The following FGF17 variants were observed in gnomAD, a reference collection of about 807,000 sequenced individuals.
The protein encoded by FGF17 is fibroblast growth factor 17.
In FGF17, 5 loss-of-function variants were observed where a neutral mutation model predicts 23.5. The ratio of observed to expected loss-of-function variants is 0.21; its 90% confidence interval spans 0.11 to 0.45. FGF17 has a LOEUF of 0.45. Ranked by LOEUF, FGF17 falls within the 20% of genes least tolerant of loss-of-function variation. The pLI is 0.99. For missense variants in FGF17, 221 were observed against 306.9 expected (o/e 0.72, Z 2.09); for synonymous variants, 136 against 123.0 (o/e 1.11, Z -0.70).
At position 22,045,592 on chromosome 8, in the gene FGF17, C is replaced by T. The variant is rs1800847341; in HGVS notation, c.73-522C>T. 4.0e-6 allele frequency: 4 copies of T among 1,010,240 alleles called. No homozygotes were observed. The South Asian group carries it at 1.7e-4, about 43-fold the overall frequency. 62.6% of individuals were successfully genotyped at this position (1,010,240 alleles called of 1,614,324 possible). On this transcript the variant is annotated intron_variant, in intron 2 of 4. Coordinates refer to ENST00000359441, the MANE Select transcript of FGF17 (RefSeq NM_003867.4). ...AGTCCCCCACATGCTCTCTGGTGAC[C>T]CTAACTCGCAGCACCATCTGCTCTG... is the stretch of plus-strand genomic sequence containing the variant.
At position 22,048,674 on chromosome 8, in the gene FGF17, GT is replaced by G. The variant is rs1469021300; in HGVS notation, c.*428del. ...GGCTAGACTGTAGGAAGGGACTTTT[GT>G]TTGTTTGTTTGTTTCAGGAAAAAAG... On this transcript the variant is annotated 3_prime_UTR_variant, in exon 5 of 5. Coordinates refer to ENST00000359441, the MANE Select transcript of FGF17 (RefSeq NM_003867.4). The surrounding 1 kb of genome is among the most constrained non-coding windows in gnomAD (Gnocchi z 6.9). The G allele has an allele frequency of 5.3e-6, 1 of 187,860 alleles. No homozygotes were observed. Among genetic ancestry groups the G allele is most frequent in the Non-Finnish European group, 1.1e-5 (1 of 92,048 alleles). 11.6% of individuals were successfully genotyped at this position (187,860 alleles called of 1,614,324 possible).
At position 22,048,519 on chromosome 8, in the gene FGF17, A is replaced by G. The variant is rs1801018623; in HGVS notation, c.*270A>G. On this transcript the variant is annotated 3_prime_UTR_variant, in exon 5 of 5. Transcript: ENST00000359441. This position sits in a 1 kb window ranked among gnomAD's most constrained non-coding sequence, Gnocchi z 6.9. ...GGCCACCAGCCTCTGCCGGCCTCCC[A>G]GCCGGGCTCCTGAAGCCCGCTGAAA... The G allele has an allele frequency of 6.1e-6, 3 of 495,086 alleles. No individual in the cohort carries two copies. The highest frequency in any genetic ancestry group is 1.1e-5 in the Non-Finnish European group (3 of 279,114). 30.7% of individuals were successfully genotyped at this position (495,086 alleles called of 1,614,324 possible). A position where few individuals can be genotyped will look rare whatever the true frequency, so the allele number is the denominator to read the frequency against.
At position 22,042,950 on chromosome 8, in the gene FGF17, C is replaced by T. The variant is rs1429215906; in HGVS notation, c.22C>T (p.Pro8Ser). Residue 8 changes from proline to serine, a missense_variant, in exon 1 of 5, where the codon CCC (proline) becomes TCC (serine). Physicochemically the swap from Pro to Ser is moderately conservative, Grantham distance 74. Around this residue, in one of 3 missense-constraint regions of FGF17, gnomAD observed 35 missense variants for 35.5 expected, o/e 0.99. Coordinates refer to ENST00000359441, the MANE Select transcript of FGF17 (RefSeq NM_003867.4). ...AGCGATGGGAGCCGCCCGCCTGCTG[C>T]CCAACCTCACTCTGTAAGTGTGCTA... MGAARLL[P>S]NLTLCLQLLI... The T allele has an allele frequency of 5.6e-6, 9 of 1,613,224 alleles. No individual in the cohort carries two copies. Among genetic ancestry groups the T allele is most frequent in the Non-Finnish European group, 6.8e-6 (8 of 1,179,726 alleles).
chr8:22,044,589 C>A, intron 2 of FGF17: 2 of 702,850 alleles, frequency 2.8e-6, no homozygotes, highest in Non-Finnish European at 3.5e-6. Flanking sequence ...GGCCAGGAGG[C>A]GGGGCTGGGA....
At chr8:22,040,502 C>T (rs1800721363), upstream of FGF17, among the ~76,000 whole-genome samples, 3 of 152,258 alleles carry the variant, frequency 2.0e-5, no homozygotes, top group Admixed American at 2.0e-4. Flanking sequence ...GCCTGTGACA[C>T]AGGCCATCCA....
At chr8:22,044,036 C>G (rs1024631589) in intron 2 of FGF17, among the ~76,000 whole-genome samples, 3 of 151,818 alleles carry the variant, frequency 2.0e-5, no homozygotes, top group African/African-American at 4.8e-5. Flanking sequence ...TTCCCCCCCC[C>G]TTCCTTCCCC....
intron 2 of FGF17, among the ~76,000 whole-genome samples, chr8:22,043,391 A>G (rs895854563): frequency 1.3e-5 from 2 of 152,098 alleles, no homozygotes; most frequent in Non-Finnish European, 2.9e-5. Context: ...CCTCCCTCTG[A>G]GGACCCTCCC....
Position 22,047,974 on chromosome 8 carries a change from G to C in FGF17, c.376G>C (p.Asp126His). The C allele has an allele frequency of 3.1e-6, 5 of 1,604,022 alleles. No homozygotes were observed. The highest frequency in any genetic ancestry group is 4.3e-6 in the Non-Finnish European group (5 of 1,171,842). Residue 126 changes from aspartate (D) to histidine (H), a missense_variant, in exon 5 of 5, where the codon GAC becomes CAC. Physicochemically the swap from Asp to His is moderately conservative, Grantham distance 81. This residue lies in a region of FGF17 where 128 missense variants were observed against 150.4 expected (regional missense o/e 0.85). Transcript: ENST00000359441. ...CCCGCAGCCCAGCGGGAAGAGCAAA[G>C]ACTGCGTGTTCACGGAGATCGTGCT... is the stretch of plus-strand genomic sequence containing the variant. Reference protein sequence around the residue: ...LIGKPSGKSKDCVFTEIVLEN... With the variant: ...LIGKPSGKSKHCVFTEIVLEN...
chr8:22,045,499 G>GT (rs1800846011), intron 2 of FGF17: 1 of 990,666 alleles, frequency 1.0e-6, no homozygotes, highest in African/African-American at 1.7e-5. Flanking sequence ...AAGAAGATGG[G>GT]TATGAGCTCA....
At chr8:22,046,066 T>C in intron 2 of FGF17, 48 bp from the exon 3 acceptor site, 2 of 1,613,836 alleles carry the variant, frequency 1.2e-6, no homozygotes, top group Non-Finnish European at 1.7e-6. Context: ...CCAGTGGTGG[T>C]GTCACCCAAA....
At chr8:22,040,702 C>T (rs1800723787), upstream of FGF17, among the ~76,000 whole-genome samples, 1 of 152,250 alleles carries the variant, frequency 6.6e-6, no homozygotes, top group African/African-American at 2.4e-5. Context: ...CCAGTGAGTC[C>T]CGACAGCATA....
At chr8:22,045,071 C>T in intron 2 of FGF17, 1 of 985,510 alleles carries the variant, frequency 1.0e-6, no homozygotes, top group African/African-American at 1.7e-5. Context: ...GAAACCTAGC[C>T]CGGGTCGCAC....
rs3176280 is a variant in FGF17 at position 22,044,132 on chromosome 8, C to G, written c.72+951C>G. ...AGCCCCCAGCCTGGCTGGGAGGGGG[C>G]TGGGGGTGGGCCCAACCTGTTCTGG... On this transcript the variant is annotated intron_variant, in intron 2 of 4. Coordinates refer to ENST00000359441, the MANE Select transcript of FGF17 (RefSeq NM_003867.4). Among the ~76,000 whole-genome samples the G allele has an allele frequency of 5.2e-3, 795 of 152,042 alleles. 4 individuals carry two copies. The highest frequency in any genetic ancestry group is 8.8e-3 in the Non-Finnish European group (599 of 67,948).
At chr8:22,045,303 G>A (rs988629631) in intron 2 of FGF17, 2 of 986,078 alleles carry the variant, frequency 2.0e-6, no homozygotes, top group Non-Finnish European at 2.4e-6. Flanking sequence ...TGCCTGCCAG[G>A]GGCAGCCATT....
intron 2 of FGF17, 116 bp downstream of exon 2, chr8:22,043,297 G>A: frequency 9.6e-7 from 1 of 1,045,832 alleles, no homozygotes; most frequent in Admixed American, 1.9e-5. Context: ...CTCTCCCTGG[G>A]TCCAGGAGGC....
intron 2 of FGF17, among the ~76,000 whole-genome samples, chr8:22,043,530 C>T (rs1006674305): frequency 6.6e-6 from 1 of 152,160 alleles, no homozygotes; most frequent in Admixed American, 6.5e-5. Context: ...TTTGCCAGTA[C>T]CTGAAAGGAC....
rs1475111675 is a variant in FGF17 at position 22,046,517 on chromosome 8, C to T, written c.251-10C>T. The T allele has an allele frequency of 2.5e-6, 4 of 1,607,082 alleles. No individual in the cohort carries two copies. Among genetic ancestry groups the T allele is most frequent in the Admixed American group, 3.4e-5 (2 of 59,202 alleles). On this transcript the variant is annotated splice_polypyrimidine_tract_variant and intron_variant, in intron 3 of 4. Transcript: ENST00000359441. Reference sequence around the variant, plus strand: ...ATGGACGGAGGTCTTTCTCCCCTCCCCCACCACAGCCAAGCTCATAGTGGA... The same window carrying T: ...ATGGACGGAGGTCTTTCTCCCCTCCTCCACCACAGCCAAGCTCATAGTGGA...
upstream of FGF17, among the ~76,000 whole-genome samples, chr8:22,041,032 C>T (rs554188506): frequency 1.3e-5 from 2 of 152,320 alleles, no homozygotes; most frequent in South Asian, 4.1e-4. Flanking sequence ...AGCTGTGAGG[C>T]TTTGGGCGAG....
At position 22,046,212 on chromosome 8, in the gene FGF17, C is replaced by T; in HGVS notation, c.171C>T (p.Leu57=). ...LSRRQIREYQ[L]YSRTSGKHVQ... is the part of the protein sequence containing the mutation. Reference sequence around the variant, plus strand: ...GGCGGCAGATCCGCGAGTACCAACTCTACAGCAGGACCAGTGGCAAGCACG... The same window carrying T: ...GGCGGCAGATCCGCGAGTACCAACTTTACAGCAGGACCAGTGGCAAGCACG... The change falls in exon 3 of 5, where the codon CTC becomes CTT. Residue 57 remains leucine, a synonymous_variant. Coordinates refer to ENST00000359441, the MANE Select transcript of FGF17 (RefSeq NM_003867.4). 1 of 1,614,104 alleles carries T rather than the reference C, an allele frequency of 6.2e-7. No individual in the cohort carries two copies. Among genetic ancestry groups the T allele is most frequent in the Non-Finnish European group, 8.5e-7 (1 of 1,180,042 alleles).
Sources: allele counts gnomAD v4.1 joint callset (sites outside exome capture counted in the v4.1 genomes callset), GRCh38; gene constraint gnomAD v4.1.1; regional missense constraint gnomAD v4.1.1; non-coding constraint Gnocchi (gnomAD v3.1); transcripts MANE v1.5; gene names NCBI Gene and HGNC (gene_info 2026-07-23, HGNC 2026-07-21).